Variants in FAM168A observed in about 807,000 individuals in gnomAD.
FAM168A encodes the protein family with sequence similarity 168 member A.
FAM168A carries 3 observed loss-of-function variants against 28.5 expected under a neutral mutation model. The observed-to-expected ratio is 0.11, with a 90% CI of 0.05 to 0.27. The LOEUF (loss-of-function observed/expected upper bound fraction) is 0.27, where lower values mean the gene tolerates loss of function less well. Ranked by LOEUF, FAM168A falls within the 10% of genes least tolerant of loss-of-function variation. FAM168A has a pLI of 1.00. For synonymous variants in FAM168A, 122 were observed against 124.2 expected, an observed-to-expected ratio of 0.98 and a Z score of 0.12; for missense variants, 222 against 311.5, an observed-to-expected ratio of 0.71 and a Z score of 2.16.
At chr11:73,575,657 G>A (rs578053766) in intron 1 of FAM168A, among the ~76,000 whole-genome samples, 1 of 152,072 alleles carries the variant, frequency 6.6e-6, no homozygotes, top group East Asian at 1.9e-4. Context: ...ATCACCTGAG[G>A]TCAGGAGTTT....
At chr11:73,550,808 G>GA (rs941045665) in intron 1 of FAM168A, among the ~76,000 whole-genome samples, 5 of 149,916 alleles carry the variant, frequency 3.3e-5, no homozygotes, top group Admixed American at 1.3e-4. Context: ...AACAACATAT[G>GA]AAAAAAAAAG....
intron 1 of FAM168A, among the ~76,000 whole-genome samples, chr11:73,558,108 A>C (rs1943911175): frequency 1.3e-5 from 2 of 152,188 alleles, no homozygotes; most frequent in African/African-American, 4.8e-5. Flanking sequence ...GAACTATGAC[A>C]ACAAAGTAAG....
intron 1 of FAM168A, among the ~76,000 whole-genome samples, chr11:73,528,996 G>A (rs900003588): frequency 2.0e-5 from 3 of 151,752 alleles, no homozygotes; most frequent in Non-Finnish European, 4.4e-5. Flanking sequence ...GCTAGTGTGG[G>A]ATTTAAAAAA....
intron 1 of FAM168A, among the ~76,000 whole-genome samples, chr11:73,525,618 C>T (rs1281054492): frequency 6.6e-6 from 1 of 152,302 alleles, no homozygotes; most frequent in Non-Finnish European, 1.5e-5. Flanking sequence ...ACAGCTCTAC[C>T]TCTCAACATT....
chr11:73,547,851 A>G (rs545320137), intron 1 of FAM168A, among the ~76,000 whole-genome samples: 93 of 122,052 alleles, frequency 7.6e-4, no homozygotes, highest in Middle Eastern at 4.0e-3. Flanking sequence ...ATGAATGGGG[A>G]AAAAAAAAAA....
rs533303495 is a variant in FAM168A at position 73,430,810 on chromosome 11, A to AAAAAC, written c.71-45_71-41dup. On this transcript the variant is annotated intron_variant, in intron 2 of 7. Coordinates refer to ENST00000356467, the MANE Select transcript of FAM168A (RefSeq NM_015159.3). ...GAAAAGGCTTATTTAGTTAGGCAAA[A>AAAAAC]AAAACAAAACAAAACAAAACAAAAC... The AAAAAC allele has an allele frequency of 2.2e-3, 3,222 of 1,484,004 alleles. 50 individuals are homozygous for AAAAAC. In the Admixed American group the frequency reaches 0.031, roughly 14 times the overall value. The allele number at this position is 1,484,004 out of a possible 1,614,324, so 91.9% of individuals were successfully genotyped here. A position where few individuals can be genotyped will look rare whatever the true frequency, so the allele number is the denominator to read the frequency against.
Position 73,543,262 on chromosome 11 carries a change from C to CTTT in FAM168A, c.-19+54658_-19+54660dup, listed in dbSNP as rs58715872. Among the ~76,000 whole-genome samples, 319 of 111,786 alleles carry CTTT rather than the reference C, an allele frequency of 2.9e-3. 5 individuals carry two copies. Among genetic ancestry groups the CTTT allele is most frequent in the African/African-American group, 6.4e-3 (178 of 27,612 alleles). The allele number at this position is 111,786 out of a possible 152,430, so 73.3% of individuals were successfully genotyped here. On this transcript the variant is annotated intron_variant, in intron 1 of 7. Coordinates refer to ENST00000356467, the MANE Select transcript of FAM168A (RefSeq NM_015159.3). ...TAATCAACTTCAGCCATTAATTGTTCTTTTTTTTTTTTTTTTTTTTTGATG... is the reference window on the plus strand; with the variant it reads ...TAATCAACTTCAGCCATTAATTGTTCTTTTTTTTTTTTTTTTTTTTTTTTGATG...
At chr11:73,429,611 A>G (rs1019126860) in intron 3 of FAM168A, among the ~76,000 whole-genome samples, 14 of 152,030 alleles carry the variant, frequency 9.2e-5, no homozygotes, top group African/African-American at 2.9e-4. Context: ...AATGCCCACT[A>G]TTCCTTTGTG....
At chr11:73,502,038 T>C (rs1380590378) in intron 1 of FAM168A, among the ~76,000 whole-genome samples, 1 of 150,800 alleles carries the variant, frequency 6.6e-6, no homozygotes, top group African/African-American at 2.4e-5. Flanking sequence ...GAGGCGGAGC[T>C]TGCAGTGAGC....
chr11:73,597,127 G>C (rs556163207), intron 1 of FAM168A, among the ~76,000 whole-genome samples: 2 of 151,640 alleles, frequency 1.3e-5, no homozygotes, highest in Non-Finnish European at 2.9e-5. Context: ...CTCCCATTTC[G>C]GGCCTGACTT....
intron 1 of FAM168A, among the ~76,000 whole-genome samples, chr11:73,508,928 A>G (rs1350258131): frequency 6.6e-6 from 1 of 152,208 alleles, no homozygotes; most frequent in Non-Finnish European, 1.5e-5. Context: ...ATTAAAACAT[A>G]ATGATGGCTT....
At chr11:73,502,415 G>T (rs1362247211) in intron 1 of FAM168A, among the ~76,000 whole-genome samples, 1 of 152,050 alleles carries the variant, frequency 6.6e-6, no homozygotes, top group Non-Finnish European at 1.5e-5. Flanking sequence ...TAAATTCCTG[G>T]ACACATATAC....
At chr11:73,477,980 T>C (rs1240192336) in intron 1 of FAM168A, among the ~76,000 whole-genome samples, 1 of 149,350 alleles carries the variant, frequency 6.7e-6, no homozygotes. Flanking sequence ...TAAAACAAGG[T>C]ATAAATATTT....
chr11:73,431,876 T>C (rs1277021562), intron 2 of FAM168A, among the ~76,000 whole-genome samples: 1 of 152,238 alleles, frequency 6.6e-6, no homozygotes, highest in Admixed American at 6.5e-5. Flanking sequence ...CACTATTTGT[T>C]TCCAAGACAT....
intron 1 of FAM168A, among the ~76,000 whole-genome samples, chr11:73,484,669 TAG>T (rs1868025516): frequency 6.9e-6 from 1 of 144,016 alleles, no homozygotes; most frequent in African/African-American, 2.5e-5. Context: ...TAGATAGATA[TAG>T]ATATGTATCG....
intron 1 of FAM168A, among the ~76,000 whole-genome samples, chr11:73,540,316 C>G (rs763091692): frequency 2.6e-5 from 4 of 152,142 alleles, no homozygotes; most frequent in Non-Finnish European, 4.4e-5. Flanking sequence ...ATTTTACATA[C>G]ATTCTCTCGT....
chr11:73,416,137 C>G (rs995622237), intron 4 of FAM168A, among the ~76,000 whole-genome samples: 1 of 152,204 alleles, frequency 6.6e-6, no homozygotes, highest in South Asian at 2.1e-4. Context: ...TTAGATCACT[C>G]GAAGTCCCAG....
chr11:73,474,572 C>T (rs1867862475), intron 1 of FAM168A, among the ~76,000 whole-genome samples: 1 of 152,140 alleles, frequency 6.6e-6, no homozygotes, highest in African/African-American at 2.4e-5. Flanking sequence ...TCCCACCTCC[C>T]AATACTATTA....
intron 1 of FAM168A, among the ~76,000 whole-genome samples, chr11:73,526,070 T>C (rs1943442593): frequency 6.6e-6 from 1 of 152,186 alleles, no homozygotes; most frequent in Non-Finnish European, 1.5e-5. Flanking sequence ...GCTCTAGGGA[T>C]GCACAAAGTT....
Sources: gnomAD v4.1 joint callset for allele counts (sites outside exome capture counted in the v4.1 genomes callset) on GRCh38, gnomAD v4.1.1 for gene constraint, MANE v1.5 for transcripts, NCBI Gene and HGNC (gene_info 2026-07-23, HGNC 2026-07-21) for gene names.